Variants in MTHFD1L observed in about 807,000 individuals in gnomAD.
The protein encoded by MTHFD1L is methylenetetrahydrofolate dehydrogenase (NADP+ dependent) 1 like.
MTHFD1L carries 81 observed loss-of-function variants against 119.5 expected under a neutral mutation model. The ratio of observed to expected loss-of-function variants is 0.68; its 90% CI spans 0.57 to 0.82. The LOEUF (loss-of-function observed/expected upper bound fraction) is 0.82. Ranked by LOEUF, MTHFD1L falls within the 40% of genes least tolerant of loss-of-function variation. The pLI, the probability that MTHFD1L is intolerant of heterozygous loss-of-function variation, is 0.00. For missense variants in MTHFD1L, 1,125 were observed against 1,253.4 expected, an observed-to-expected ratio of 0.90 and a Z score of 1.55; for synonymous variants, 430 against 475.2, an observed-to-expected ratio of 0.90 and a Z score of 1.24.
intron 16 of MTHFD1L, among the ~76,000 whole-genome samples, chr6:150,951,312 A>G (rs1218002771): frequency 6.6e-6 from 1 of 152,058 alleles, no homozygotes; most frequent in Non-Finnish European, 1.5e-5. Context: ...GATTACAGAC[A>G]TGAACCACTG....
chr6:150,878,668 G>A (rs187107336), intron 4 of MTHFD1L, among the ~76,000 whole-genome samples: 37 of 152,330 alleles, frequency 2.4e-4, no homozygotes, highest in African/African-American at 8.2e-4. Context: ...CGCCTTTGTG[G>A]TTTGGTTAAC....
intron 20 of MTHFD1L, among the ~76,000 whole-genome samples, chr6:150,994,196 T>G (rs2128451863): frequency 6.6e-6 from 1 of 152,148 alleles, no homozygotes; most frequent in East Asian, 1.9e-4. Flanking sequence ...TCATCATGGG[T>G]TCTGTGCTAC....
chr6:151,044,388 A>C (rs1044857228), intron 26 of MTHFD1L, among the ~76,000 whole-genome samples: 1 of 148,174 alleles, frequency 6.7e-6, no homozygotes, highest in East Asian at 2.0e-4. Context: ...TGCAACCTCC[A>C]TCTCCGGGTT....
chr6:150,997,162 C>T (rs368414833), intron 20 of MTHFD1L, among the ~76,000 whole-genome samples: 2 of 152,210 alleles, frequency 1.3e-5, no homozygotes, highest in Non-Finnish European at 2.9e-5. Flanking sequence ...GGCTCATTTC[C>T]TTTATCCATA....
intron 24 of MTHFD1L, among the ~76,000 whole-genome samples, chr6:151,020,282 C>G (rs1783768543): frequency 6.6e-6 from 1 of 152,202 alleles, no homozygotes; most frequent in Admixed American, 6.5e-5. Flanking sequence ...TAGAAATTGT[C>G]TCGGAACCCC....
At chr6:151,058,275 G>A (rs558806898) in intron 26 of MTHFD1L, among the ~76,000 whole-genome samples, 114 of 152,350 alleles carry the variant, frequency 7.5e-4, no homozygotes, top group Admixed American at 1.3e-3. Context: ...GACCCTCTGG[G>A]TGGGTCAGGG....
intron 26 of MTHFD1L, among the ~76,000 whole-genome samples, chr6:151,040,779 A>G (rs190306360): frequency 2.8e-4 from 42 of 152,340 alleles, no homozygotes; most frequent in Admixed American, 2.4e-3. Flanking sequence ...CAAATATACA[A>G]TGTGAATCTC....
intron 8 of MTHFD1L, chr6:150,912,802 C>T (rs1391325636): frequency 5.1e-6 from 2 of 395,158 alleles, no homozygotes; most frequent in African/African-American, 2.1e-5. Context: ...ATGAGATCCT[C>T]GTTGGACTGT....
At chr6:150,895,613 G>GTTTTTTTTTTT in intron 7 of MTHFD1L, among the ~76,000 whole-genome samples, 1 of 134,464 alleles carries the variant, frequency 7.4e-6, no homozygotes, top group Non-Finnish European at 1.6e-5. Flanking sequence ...GTTTTTTGTG[G>GTTTTTTTTTTT]TTTTTTTTTT....
intron 17 of MTHFD1L, 26 bp downstream of exon 17, chr6:150,956,097 T>C: frequency 6.2e-7 from 1 of 1,600,956 alleles, no homozygotes; most frequent in African/African-American, 1.3e-5. Context: ...TTCCCGGGTG[T>C]GGCTCTGTTC....
chr6:150,968,320 G>A (rs972741241), intron 19 of MTHFD1L, among the ~76,000 whole-genome samples: 1 of 151,820 alleles, frequency 6.6e-6, no homozygotes, highest in Non-Finnish European at 1.5e-5. Context: ...GTAAAGACTT[G>A]TTGAATAATT....
At chr6:150,997,159 T>A (rs1779906401) in intron 20 of MTHFD1L, among the ~76,000 whole-genome samples, 1 of 152,144 alleles carries the variant, frequency 6.6e-6, no homozygotes, top group African/African-American at 2.4e-5. Context: ...GAGGGCTCAT[T>A]TCCTTTATCC....
chr6:151,057,335 G>A (rs1790092491), intron 26 of MTHFD1L: 1 of 985,288 alleles, frequency 1.0e-6, no homozygotes, highest in African/African-American at 1.7e-5. Flanking sequence ...TGGTGACTCA[G>A]ACTGCTTTAA....
At position 150,923,528 on chromosome 6, in the gene MTHFD1L, TA is replaced by T. The variant is rs1228105608; in HGVS notation, c.1082+1227del. ...CTGACACTTTATTTATTTATTTATTTATTTATTTATTTTTTCTTTTTTTTTT... is the reference window on the plus strand; with the variant it reads ...CTGACACTTTATTTATTTATTTATTTTTTATTTATTTTTTCTTTTTTTTTT... On this transcript the variant is annotated intron_variant, in intron 10 of 27. Coordinates refer to ENST00000367321, the MANE Select transcript of MTHFD1L (RefSeq NM_015440.5). Among the ~76,000 whole-genome samples the T allele has an allele frequency of 2.1e-3, 290 of 137,468 alleles. 1 individual carries two copies. Among genetic ancestry groups the T allele is most frequent in the Middle Eastern group, 7.1e-3 (2 of 280 alleles). The allele number at this position is 137,468 out of a possible 152,430, so 90.2% of individuals were successfully genotyped here.
chr6:151,080,879 C>G (rs1000318608), intron 26 of MTHFD1L, among the ~76,000 whole-genome samples: 1 of 152,106 alleles, frequency 6.6e-6, no homozygotes, highest in Admixed American at 6.6e-5. Flanking sequence ...GGATTAGGGC[C>G]CCATGCTTAT....
At chr6:151,049,786 C>T (rs546908213) in intron 26 of MTHFD1L, among the ~76,000 whole-genome samples, 9 of 152,208 alleles carry the variant, frequency 5.9e-5, no homozygotes, top group Admixed American at 3.9e-4. Flanking sequence ...TATTGATTTT[C>T]GTCCATGGTT....
chr6:151,062,089 A>G (rs1473794017), intron 26 of MTHFD1L, among the ~76,000 whole-genome samples: 1 of 152,208 alleles, frequency 6.6e-6, no homozygotes, highest in East Asian at 1.9e-4. Context: ...CCTCTAAGTC[A>G]ACTGTTCATG....
At chr6:150,937,273 C>T (rs1174630337) in intron 12 of MTHFD1L, among the ~76,000 whole-genome samples, 37 of 152,164 alleles carry the variant, frequency 2.4e-4, no homozygotes, top group Non-Finnish European at 8.8e-5. Flanking sequence ...GGTGTTTGAT[C>T]ATCCCAGTCC....
At chr6:150,888,413 T>C (rs536363271) in intron 7 of MTHFD1L, among the ~76,000 whole-genome samples, 8 of 152,292 alleles carry the variant, frequency 5.3e-5, no homozygotes, top group African/African-American at 1.9e-4. Context: ...TTCCAGGTGA[T>C]TGAACATGAG....
Sources: allele counts gnomAD v4.1 joint callset (sites outside exome capture counted in the v4.1 genomes callset), GRCh38; gene constraint gnomAD v4.1.1; transcripts MANE v1.5; gene names NCBI Gene and HGNC (gene_info 2026-07-23, HGNC 2026-07-21).